The following PTPRJ variants were observed in gnomAD, a reference collection of about 807,000 sequenced individuals.
The protein encoded by PTPRJ is receptor-type tyrosine-protein phosphatase eta.
Under a neutral mutation model 141.3 loss-of-function variants are expected in PTPRJ, and 129 were observed. The ratio of observed to expected loss-of-function variants is 0.91; its 90% CI spans 0.79 to 1.06. PTPRJ has a LOEUF of 1.06. PTPRJ is among the 50% of genes least tolerant of loss of function. The pLI is 0.00. For missense variants in PTPRJ, 1,601 were observed against 1,679.7 expected (o/e 0.95, Z 0.82); for synonymous variants, 610 against 640.5 (o/e 0.95, Z 0.72).
intron 1 of PTPRJ, among the ~76,000 whole-genome samples, chr11:47,997,191 C>A (rs1854360292): frequency 6.6e-6 from 1 of 152,218 alleles, no homozygotes; most frequent in African/African-American, 2.4e-5. Flanking sequence ...GCCAGTAGCG[C>A]CCCCTCCCCC....
rs1565240660 is a variant in PTPRJ at position 47,980,816 on chromosome 11, A to C, written c.-97A>C. The C allele has an allele frequency of 9.5e-7, 1 of 1,048,394 alleles. No individual in the cohort carries two copies. The highest frequency in any genetic ancestry group is 1.7e-5 in the African/African-American group (1 of 58,410). 64.9% of individuals were successfully genotyped at this position (1,048,394 alleles called of 1,614,324 possible). A position where few individuals can be genotyped will look rare whatever the true frequency, so the allele number is the denominator to read the frequency against. On this transcript the variant is annotated 5_prime_UTR_variant, in exon 1 of 25. Coordinates refer to ENST00000418331, the MANE Select transcript of PTPRJ (RefSeq NM_002843.4). ...GGACCGGCTGGCGGAGGAGGAGGCG[A>C]AGGAGACGGCAGGAGGCGGCGACGA...
At chr11:48,166,461 G>A (rs553004368) in intron 24 of PTPRJ, among the ~76,000 whole-genome samples, 2 of 151,788 alleles carry the variant, frequency 1.3e-5, no homozygotes, top group South Asian at 4.2e-4. Context: ...TTACAGGTGT[G>A]TGCCACCACG....
At chr11:48,011,155 G>C (rs1023763492) in intron 1 of PTPRJ, among the ~76,000 whole-genome samples, 1 of 152,152 alleles carries the variant, frequency 6.6e-6, no homozygotes, top group Non-Finnish European at 1.5e-5. Context: ...TGTCATGCGG[G>C]AGTCACCATG....
At chr11:47,996,046 A>T (rs796789162) in intron 1 of PTPRJ, among the ~76,000 whole-genome samples, 7 of 150,636 alleles carry the variant, frequency 4.6e-5, no homozygotes, top group African/African-American at 1.7e-4. Context: ...CTCCAAAAAA[A>T]AAAAAGGCTG....
chr11:48,118,324 A>T (rs1856619222), intron 3 of PTPRJ, among the ~76,000 whole-genome samples: 1 of 151,868 alleles, frequency 6.6e-6, no homozygotes, highest in South Asian at 2.1e-4. Context: ...GCCTCAAGTG[A>T]CCCCCACCAC....
chr11:48,094,972 G>A (rs746993855), intron 1 of PTPRJ, among the ~76,000 whole-genome samples: 8 of 152,128 alleles, frequency 5.3e-5, no homozygotes, highest in Non-Finnish European at 8.8e-5. Flanking sequence ...CAAGGGAGCC[G>A]GGCCATGGTC....
At position 48,123,690 on chromosome 11, in the gene PTPRJ, G is replaced by T; in HGVS notation, c.694G>T (p.Gly232Cys). ...TGCTCTCTCCTGGAGCAATGGCAAT[G>T]GCACTGCCTCCTGCCGGGTTCTTCT... ...KAALSWSNGN[G>C]TASCRVLLES... The change falls in exon 5 of 25, where the codon GGC becomes TGC. Residue 232 changes from glycine (G) to cysteine (C), a missense_variant. Coordinates refer to ENST00000418331, the MANE Select transcript of PTPRJ (RefSeq NM_002843.4). The T allele has an allele frequency of 6.2e-7, 1 of 1,614,180 alleles. No individual in the cohort carries two copies. The highest frequency in any genetic ancestry group is 1.3e-5 in the African/African-American group (1 of 75,044).
intron 15 of PTPRJ, 99 bp from the exon 16 acceptor site, chr11:48,149,348 C>A: frequency 1.2e-6 from 1 of 818,746 alleles, no homozygotes; most frequent in Non-Finnish European, 2.0e-6. Context: ...AAAGGTGTAA[C>A]ACCTTTATTT....
intron 19 of PTPRJ, among the ~76,000 whole-genome samples, chr11:48,155,336 G>A (rs1478812335): frequency 6.6e-6 from 1 of 152,174 alleles, no homozygotes; most frequent in Non-Finnish European, 1.5e-5. Context: ...CCCCTCACCA[G>A]ATATATGAAC....
intron 1 of PTPRJ, among the ~76,000 whole-genome samples, chr11:47,997,557 A>G (rs1331998340): frequency 6.6e-6 from 1 of 151,798 alleles, no homozygotes; most frequent in African/African-American, 2.4e-5. Flanking sequence ...GTTCTTCCCT[A>G]GTGTTTTCAG....
At chr11:47,981,543 TG>T (rs1028004588) in intron 1 of PTPRJ, among the ~76,000 whole-genome samples, 1 of 152,170 alleles carries the variant, frequency 6.6e-6, no homozygotes, top group African/African-American at 2.4e-5. Flanking sequence ...GCCCTGTTCC[TG>T]GGGAAAGTTC....
intron 7 of PTPRJ, 124 bp downstream of exon 7, chr11:48,128,167 A>T (rs184903629): frequency 1.6e-6 from 2 of 1,265,646 alleles, no homozygotes; most frequent in African/African-American, 3.0e-5. Flanking sequence ...TTCGTGTGAC[A>T]TGCTTTCCTT....
chr11:48,035,538 C>CTTTTTTTTTTTTTTT (rs66504227), intron 1 of PTPRJ, among the ~76,000 whole-genome samples: 70 of 61,742 alleles, frequency 1.1e-3, no homozygotes, highest in Non-Finnish European at 1.2e-3. Context: ...CTTTCTTCTT[C>CTTTTTTTTTTTTTTT]TTTTTTTTTT....
At chr11:48,059,381 C>G (rs542830108) in intron 1 of PTPRJ, among the ~76,000 whole-genome samples, 1 of 152,222 alleles carries the variant, frequency 6.6e-6, no homozygotes, top group Non-Finnish European at 1.5e-5. Flanking sequence ...CCTTGGCCTC[C>G]CAAAGTGCTG....
chr11:47,998,896 G>GT (rs1854415467), intron 1 of PTPRJ, among the ~76,000 whole-genome samples: 1 of 152,184 alleles, frequency 6.6e-6, no homozygotes, highest in Admixed American at 6.5e-5. Context: ...AGAGGACAGA[G>GT]TCTGAAGTTC....
At chr11:48,155,776 G>T in intron 19 of PTPRJ, 25 bp from the exon 20 acceptor site, 4 of 1,534,316 alleles carry the variant, frequency 2.6e-6, no homozygotes, top group Non-Finnish European at 2.7e-6. Flanking sequence ...TTATAATGGG[G>T]ACCTTTTTTC....
chr11:48,056,328 G>GCTCT (rs2134254211), intron 1 of PTPRJ, among the ~76,000 whole-genome samples: 1 of 152,272 alleles, frequency 6.6e-6, no homozygotes, highest in Non-Finnish European at 1.5e-5. Context: ...AGTTGTGTGA[G>GCTCT]CTCTCACCAG....
chr11:48,103,678 C>G (rs1856212402), intron 1 of PTPRJ, among the ~76,000 whole-genome samples: 1 of 152,122 alleles, frequency 6.6e-6, no homozygotes, highest in African/African-American at 2.4e-5. Flanking sequence ...TATACATACA[C>G]AGATATGTAT....
chr11:48,089,510 C>CAA (rs1855806487), intron 1 of PTPRJ, among the ~76,000 whole-genome samples: 1 of 78,768 alleles, frequency 1.3e-5, no homozygotes. Flanking sequence ...AGCGAGACTC[C>CAA]ATCTCAAAAA....
Sources: allele counts gnomAD v4.1 joint callset (sites outside exome capture counted in the v4.1 genomes callset), GRCh38; gene constraint gnomAD v4.1.1; transcripts MANE v1.5; gene names NCBI Gene and HGNC (gene_info 2026-07-23, HGNC 2026-07-21).